Variants in OR1L6 observed in about 807,000 individuals in gnomAD.
The protein encoded by OR1L6 is olfactory receptor family 1 subfamily L member 6, also known as olfactory receptor 1L6.
OR1L6 carries 2 observed loss-of-function variants against 3.0 expected under a neutral mutation model. The observed-to-expected ratio is 0.68, with a 90% CI of 0.28 to 2.13. The LOEUF (loss-of-function observed/expected upper bound fraction) is 2.13, where lower values mean the gene tolerates loss of function less well. Among genes scored for constraint, OR1L6 ranks in the 30% most tolerant of loss-of-function variants. The probability of loss-of-function intolerance (pLI) is 0.14; values close to 1 mark genes in which losing one functional copy is unlikely to be tolerated. For missense variants in OR1L6, 304 were observed against 378.4 expected, an observed-to-expected ratio of 0.80 and a Z score of 1.63; for synonymous variants, 121 against 148.4, an observed-to-expected ratio of 0.82 and a Z score of 1.34.
At chr9:122,748,570 T>C (rs1828858529) in intron 1 of OR1L6, among the ~76,000 whole-genome samples, 1 of 152,196 alleles carries the variant, frequency 6.6e-6, no homozygotes, top group Admixed American at 6.5e-5. Context: ...AGTACAGTTT[T>C]GTTACATGAA....
At chr9:122,743,623 C>T (rs1333066138) in intron 1 of OR1L6, among the ~76,000 whole-genome samples, 2 of 152,100 alleles carry the variant, frequency 1.3e-5, no homozygotes, top group South Asian at 2.1e-4. Flanking sequence ...AATCCCAAAA[C>T]GTGGACCCAG....
rs1177075948 is a variant in OR1L6, at chr9:122,750,321, G to A, written c.474G>A (p.Leu158=). ...GCAGCATCTCCCACCTACATTCCCT[G>A]TTCCGCGTGCTACTTATGTCTCGCT... The part of the protein sequence containing the change: ...GSCSISHLHS[L]FRVLLMSRLS... The change falls in exon 2 of 2, where the codon CTG becomes CTA. Residue 158 remains leucine (L), a synonymous_variant. Transcript: ENST00000304720. 1 of 1,613,702 alleles carries A rather than the reference G, an allele frequency of 6.2e-7. No individual in the cohort carries two copies. The highest frequency in any genetic ancestry group is 8.5e-7 in the Non-Finnish European group (1 of 1,179,950).
chr9:122,743,851 G>A (rs908656892), intron 1 of OR1L6, among the ~76,000 whole-genome samples: 2 of 152,186 alleles, frequency 1.3e-5, no homozygotes, highest in African/African-American at 4.8e-5. Flanking sequence ...CAAAGGATAG[G>A]GTGGAAGGAG....
Position 122,750,114 on chromosome 9 carries a change from G to C in OR1L6, c.267G>C (p.Glu89Asp). ...VPKMLVNFLS[E>D]TKVISYVGCL... The stretch of plus-strand genomic sequence containing the variant: ...AGATGCTGGTGAATTTTCTATCAGA[G>C]ACAAAGGTTATCTCCTATGTGGGCT... The change falls in exon 2 of 2, where the codon GAG becomes GAC. Residue 89 changes from glutamate to aspartate, a missense_variant. Physicochemically the swap from Glu to Asp is conservative, Grantham distance 45. Coordinates refer to ENST00000304720, the MANE Select transcript of OR1L6 (RefSeq NM_001004453.3). 1 of 1,613,964 alleles carries C rather than the reference G, an allele frequency of 6.2e-7. No individual in the cohort carries two copies. Among genetic ancestry groups the C allele is most frequent in the Non-Finnish European group, 8.5e-7 (1 of 1,179,912 alleles).
Position 122,749,993 on chromosome 9 carries a change from C to A in OR1L6, c.146C>A (p.Ala49Asp), listed in dbSNP as rs1385908598. The change falls in exon 2 of 2, where the codon GCC becomes GAC. Residue 49 changes from alanine to aspartate, a missense_variant. By Grantham distance (126) the Ala-to-Asp change is moderately radical. Transcript: ENST00000304720. Reference protein sequence around the residue: ...AAVGNVLIIPAIYSDPRLHTP... With the variant: ...AAVGNVLIIPDIYSDPRLHTP... ...GTGGGGAATGTGCTCATCATCCCGG[C>A]CATCTACTCTGACCCCAGGCTCCAC... 6 of 1,614,160 alleles carry A rather than the reference C, an allele frequency of 3.7e-6. No individual in the cohort carries two copies. Among genetic ancestry groups the A allele is most frequent in the Non-Finnish European group, 4.2e-6 (5 of 1,180,040 alleles).
intron 1 of OR1L6, among the ~76,000 whole-genome samples, chr9:122,746,677 C>A (rs771773672): frequency 2.6e-5 from 4 of 152,098 alleles, no homozygotes; most frequent in Non-Finnish European, 4.4e-5. Context: ...ATGGAGACTA[C>A]CAAAGGGTCA....
At chr9:122,743,345 G>A (rs1339502220) in intron 1 of OR1L6, among the ~76,000 whole-genome samples, 2 of 152,184 alleles carry the variant, frequency 1.3e-5, no homozygotes, top group Non-Finnish European at 2.9e-5. Context: ...GGGACCTACA[G>A]TGCCCAGAAG....
At chr9:122,748,957 G>A (rs565722521) in intron 1 of OR1L6, among the ~76,000 whole-genome samples, 1 of 151,944 alleles carries the variant, frequency 6.6e-6, no homozygotes, top group Admixed American at 6.6e-5. Flanking sequence ...GTGTGTACAC[G>A]TATACGTACA....
intron 1 of OR1L6, among the ~76,000 whole-genome samples, chr9:122,746,059 C>A (rs1828834074): frequency 6.6e-6 from 1 of 152,072 alleles, no homozygotes; most frequent in Admixed American, 6.6e-5. Context: ...GTGTGATGTT[C>A]CCCTCCCTGT....
chr9:122,749,032 C>T (rs192759285), intron 1 of OR1L6, among the ~76,000 whole-genome samples: 186 of 152,224 alleles, frequency 1.2e-3, no homozygotes, highest in Middle Eastern at 3.4e-3. Context: ...CTATTGTGAA[C>T]AGTGCTGCAA....
chr9:122,744,270 C>G (rs1241001169), intron 1 of OR1L6, among the ~76,000 whole-genome samples: 1 of 152,194 alleles, frequency 6.6e-6, no homozygotes, highest in Admixed American at 6.5e-5. Flanking sequence ...ACTGCCCACC[C>G]AGCATCCCAA....
At chr9:122,746,772 G>A (rs1345699691) in intron 1 of OR1L6, among the ~76,000 whole-genome samples, 1 of 152,078 alleles carries the variant, frequency 6.6e-6, no homozygotes, top group Non-Finnish European at 1.5e-5. Context: ...TAAAACTGAT[G>A]AGTGAGAATT....
chr9:122,749,770 A>G (rs1213855019), intron 1 of OR1L6, 65 bp from the exon 2 acceptor site: 3 of 1,415,798 alleles, frequency 2.1e-6, no homozygotes, highest in Non-Finnish European at 3.0e-6. Context: ...TAAGCTTATG[A>G]AAGAAGCTGT....
At position 122,750,549 on chromosome 9, in the gene OR1L6, G is replaced by A; in HGVS notation, c.702G>A (p.Gly234=). 6.2e-7 allele frequency: 1 copy of A among 1,609,738 alleles called. No homozygotes were observed. The highest frequency in any genetic ancestry group is 8.5e-7 in the Non-Finnish European group (1 of 1,176,848). The part of the protein sequence containing the change: ...VTVLRIPSAA[G]KWKAFSTCGS... ...TGCTCAGAATCCCCTCTGCAGCCGG[G>A]AAGTGGAAGGCCTTCTCTACCTGTG... The change falls in exon 2 of 2, where the codon GGG becomes GGA. Residue 234 remains glycine (G), a synonymous_variant. Transcript: ENST00000304720.
rs1828874206 is a variant in OR1L6, at chr9:122,749,999, A to G, written c.152A>G (p.Tyr51Cys). 1 of 1,613,670 alleles carries G rather than the reference A, an allele frequency of 6.2e-7. No homozygotes were observed. The highest frequency in any genetic ancestry group is 8.5e-7 in the Non-Finnish European group (1 of 1,179,918). Residue 51 changes from tyrosine (Y) to cysteine (C), a missense_variant, in exon 2 of 2, where the codon TAC (tyrosine) becomes TGC (cysteine). This residue lies in a region of OR1L6 where 192 missense variants were observed against 242.7 expected (regional missense o/e 0.79). Coordinates refer to ENST00000304720, the MANE Select transcript of OR1L6 (RefSeq NM_001004453.3). ...VGNVLIIPAI[Y>C]SDPRLHTPMY... is the part of the protein sequence containing the mutation. ...AATGTGCTCATCATCCCGGCCATCT[A>G]CTCTGACCCCAGGCTCCACACCCCT...
At chr9:122,743,736 C>A (rs781376499) in intron 1 of OR1L6, among the ~76,000 whole-genome samples, 3 of 152,202 alleles carry the variant, frequency 2.0e-5, no homozygotes, top group Non-Finnish European at 4.4e-5. Context: ...CATAGCCTGT[C>A]ATCTCTGAAG....
intron 1 of OR1L6, among the ~76,000 whole-genome samples, chr9:122,743,124 T>G (rs537716675): frequency 1.4e-4 from 22 of 152,348 alleles, no homozygotes; most frequent in Middle Eastern, 6.8e-3. Flanking sequence ...GCAGTTGCAC[T>G]TATAAATACT....
intron 1 of OR1L6, among the ~76,000 whole-genome samples, chr9:122,746,430 G>A (rs1037325469): frequency 6.6e-5 from 10 of 152,116 alleles, no homozygotes; most frequent in Non-Finnish European, 1.2e-4. Flanking sequence ...GAGACTGCAT[G>A]ACGTTGAGTA....
At chr9:122,748,516 T>C (rs779636810) in intron 1 of OR1L6, among the ~76,000 whole-genome samples, 15 of 152,148 alleles carry the variant, frequency 9.9e-5, no homozygotes, top group South Asian at 2.1e-4. Context: ...GAAGAACACA[T>C]GGAAAAATCT....
Sources: allele counts gnomAD v4.1 joint callset (sites outside exome capture counted in the v4.1 genomes callset), GRCh38; gene constraint gnomAD v4.1.1; regional missense constraint gnomAD v4.1.1; transcripts MANE v1.5; gene names NCBI Gene and HGNC (gene_info 2026-07-23, HGNC 2026-07-21).